SLC25A28: variants seen among roughly 807,000 people sequenced by gnomAD.
SLC25A28 encodes solute carrier family 25 member 28.
In SLC25A28, 10 loss-of-function variants were observed where a neutral mutation model predicts 31.9. That is an observed-to-expected ratio of 0.31 (90% confidence interval 0.19 to 0.53). The LOEUF (loss-of-function observed/expected upper bound fraction) is 0.53. Ranked by LOEUF, SLC25A28 falls within the 20% of genes least tolerant of loss-of-function variation. SLC25A28 has a pLI of 0.95. For missense variants in SLC25A28, 256 were observed against 490.3 expected, an observed-to-expected ratio of 0.52 and a Z score of 4.51; for synonymous variants, 208 against 203.6, an observed-to-expected ratio of 1.02 and a Z score of -0.19.
the SLC25A28 span, among the ~76,000 whole-genome samples, chr10:99,632,400 C>T: frequency 2.0e-5 from 3 of 151,874 alleles, no homozygotes; most frequent in African/African-American, 7.3e-5. Context: ...GGGTGTGTGT[C>T]CTAGAACCAG....
the SLC25A28 span, among the ~76,000 whole-genome samples, chr10:99,644,560 G>C: frequency 6.6e-6 from 1 of 152,102 alleles, no homozygotes; most frequent in Non-Finnish European, 1.5e-5. Flanking sequence ...TTACATTTAA[G>C]GTTAATATTG....
In SLC25A28 at chr10:99,620,140, G is replaced by A; in HGVS notation, c.196C>T (p.Leu66=). The A allele has an allele frequency of 2.5e-6, 4 of 1,578,896 alleles. No individual in the cohort carries two copies. Among genetic ancestry groups the A allele is most frequent in the Non-Finnish European group, 3.4e-6 (4 of 1,170,564 alleles). The change falls in exon 1 of 4, where the codon CTG becomes TTG. Residue 66 remains leucine (L), a synonymous_variant. Transcript: ENST00000370495. ...DPDSGPDYEA[L]PAGATVTTHM... is the part of the protein sequence containing the mutation. ...GTGGTGACAGTGGCTCCAGCCGGCAGCGCCTCGTAGTCCGGGCCGGAGTCC... is the reference window on the plus strand; with the variant it reads ...GTGGTGACAGTGGCTCCAGCCGGCAACGCCTCGTAGTCCGGGCCGGAGTCC...
the SLC25A28 span, among the ~76,000 whole-genome samples, chr10:99,626,722 ATGGAAATT>A: frequency 6.6e-6 from 1 of 152,132 alleles, no homozygotes; most frequent in Non-Finnish European, 1.5e-5. Flanking sequence ...GGCTTTAAGA[ATGGAAATT>A]TCAGCCCATG....
chr10:99,633,112 C>G, the SLC25A28 span, among the ~76,000 whole-genome samples: 2 of 152,042 alleles, frequency 1.3e-5, no homozygotes, highest in Non-Finnish European at 2.9e-5. Context: ...GTTATGAAGG[C>G]AGCAAACATG....
chr10:99,620,865 G>T (rs1470803642), upstream of SLC25A28: 1 of 985,374 alleles, frequency 1.0e-6, no homozygotes, highest in East Asian at 1.1e-4. Flanking sequence ...GCAGAGCTGC[G>T]GTCCCTGTGC....
chr10:99,620,293 G>GC lies in SLC25A28; in HGVS notation c.42dup (p.Pro15AlafsTer92), dbSNP rs1565023796. 9 of 1,170,622 alleles carry GC rather than the reference G, an allele frequency of 7.7e-6. No individual in the cohort carries two copies. Among genetic ancestry groups the GC allele is most frequent in the South Asian group, 4.1e-5 (1 of 24,642 alleles). 72.5% of individuals were successfully genotyped at this position (1,170,622 alleles called of 1,614,324 possible). On this transcript the variant is annotated frameshift_variant, in exon 1 of 4. Coordinates refer to ENST00000370495, the MANE Select transcript of SLC25A28 (RefSeq NM_031212.4). LOFTEE classifies it high-confidence loss of function. ...GGGCTCCGCCCGGGCCCTGCCGCCG[G>GC]CCCCCCCGCCACACCGCCAGCACCC...
upstream of SLC25A28, chr10:99,620,461 GC>G (rs1234903174): frequency 2.9e-6 from 3 of 1,048,744 alleles, no homozygotes; most frequent in African/African-American, 3.4e-5. Context: ...CTCCCGCTTG[GC>G]CCCGCGGACA....
chr10:99,651,081 TTCCCAGCA>T, the SLC25A28 span, among the ~76,000 whole-genome samples: 38 of 152,318 alleles, frequency 2.5e-4, no homozygotes, highest in Non-Finnish European at 3.5e-4. Context: ...CTCTTATTGT[TTCCCAGCA>T]TCCAGGAGCC....
At chr10:99,644,509 A>C in the SLC25A28 span, among the ~76,000 whole-genome samples, 1 of 151,782 alleles carries the variant, frequency 6.6e-6, no homozygotes, top group African/African-American at 2.4e-5. Flanking sequence ...TCCTTATGCA[A>C]TTTGCCAGCC....
At chr10:99,655,290 T>G in the SLC25A28 span, among the ~76,000 whole-genome samples, 2 of 152,214 alleles carry the variant, frequency 1.3e-5, no homozygotes, top group South Asian at 4.2e-4. Flanking sequence ...CATTCCAGCC[T>G]GGGGGACAAA....
At chr10:99,640,613 C>T in the SLC25A28 span, among the ~76,000 whole-genome samples, 4 of 152,002 alleles carry the variant, frequency 2.6e-5, no homozygotes, top group East Asian at 1.9e-4. Flanking sequence ...ATGTGCACAA[C>T]GTGTAGGTTT....
chr10:99,620,522 TC>T (rs553139993), upstream of SLC25A28: 1,064 of 1,035,720 alleles, frequency 1.0e-3, 5 homozygotes, highest in African/African-American at 0.015. Flanking sequence ...CCCACCCCTT[TC>T]CTTACGTACG....
chr10:99,631,897 T>TA, the SLC25A28 span, among the ~76,000 whole-genome samples: 2 of 114,914 alleles, frequency 1.7e-5, no homozygotes, highest in African/African-American at 6.5e-5. Context: ...TTTTATTTTT[T>TA]TTTTTTTTTT....
the SLC25A28 span, among the ~76,000 whole-genome samples, chr10:99,630,261 T>TG: frequency 6.6e-6 from 1 of 152,080 alleles, no homozygotes; most frequent in Non-Finnish European, 1.5e-5. Context: ...CCTGAGTAGC[T>TG]GGGATTAACG....
upstream of SLC25A28, chr10:99,620,606 C>G: frequency 1.0e-6 from 1 of 1,003,712 alleles, no homozygotes; most frequent in African/African-American, 1.7e-5. Flanking sequence ...CGCCTACATC[C>G]CACCTTTTCC....
At chr10:99,656,938 G>C in the SLC25A28 span, among the ~76,000 whole-genome samples, 1 of 152,134 alleles carries the variant, frequency 6.6e-6, no homozygotes, top group Non-Finnish European at 1.5e-5. Flanking sequence ...GCTGGTTTTT[G>C]TAAAGAATTA....
the SLC25A28 span, among the ~76,000 whole-genome samples, chr10:99,657,511 A>AG: frequency 2.6e-5 from 4 of 152,186 alleles, no homozygotes; most frequent in Non-Finnish European, 5.9e-5. Flanking sequence ...AGAAAAAAAA[A>AG]CTGAGAACTG....
At chr10:99,641,091 T>C in the SLC25A28 span, among the ~76,000 whole-genome samples, 2 of 152,234 alleles carry the variant, frequency 1.3e-5, no homozygotes, top group African/African-American at 4.8e-5. Flanking sequence ...AGTAATGGGA[T>C]GGCTGGGTCA....
chr10:99,641,985 T>G, the SLC25A28 span, among the ~76,000 whole-genome samples: 3 of 152,160 alleles, frequency 2.0e-5, no homozygotes, highest in African/African-American at 7.2e-5. Flanking sequence ...TAGTATAGTT[T>G]GAAGTCAGGT....
Sources: gnomAD v4.1 joint callset for allele counts (sites outside exome capture counted in the v4.1 genomes callset) on GRCh38, gnomAD v4.1.1 for gene constraint, MANE v1.5 for transcripts, NCBI Gene and HGNC (gene_info 2026-07-23, HGNC 2026-07-21) for gene names.